SIN3A: variants seen among roughly 807,000 people sequenced by gnomAD.
SIN3A encodes paired amphipathic helix protein Sin3a.
Under a neutral mutation model 146.1 loss-of-function variants are expected in SIN3A, and 14 were observed. That is an observed-to-expected ratio of 0.10 (90% CI 0.06 to 0.15). SIN3A has a LOEUF of 0.15. Ranked by LOEUF, SIN3A falls within the 10% of genes least tolerant of loss-of-function variation. The probability of loss-of-function intolerance (pLI) is 1.00; values close to 1 mark genes in which losing one functional copy is unlikely to be tolerated. For synonymous variants in SIN3A, 572 were observed against 572.0 expected (o/e 1.00, Z 0.00); for missense variants, 1,028 against 1,576.0 (o/e 0.65, Z 5.89).
At chr15:75,443,547 C>T (rs1595930842) in intron 1 of SIN3A, 1 of 152,030 alleles carries the variant, frequency 6.6e-6, no homozygotes, top group East Asian at 1.9e-4. Flanking sequence ...GAAACGTTCT[C>T]TCTACAAAAA....
At chr15:75,388,229 A>C (rs1344190468) in intron 16 of SIN3A, 1 of 152,244 alleles carries the variant, frequency 6.6e-6, no homozygotes, top group East Asian at 1.9e-4. Flanking sequence ...GAGCTATTCT[A>C]TGGAAGAGGG....
rs554127703 is a variant in SIN3A at position 75,398,206 on chromosome 15, T to C, written c.1855-1710A>G. ...GATACACTAAATAGGATACGTATCA[T>C]TTTACATCTTTAGACAAACCAGACT... On this transcript the variant is annotated intron_variant, in intron 12 of 20. Coordinates refer to ENST00000394947, the MANE Select transcript of SIN3A (RefSeq NM_001145358.2). 1.2e-4 allele frequency among the ~76,000 whole-genome samples: 18 copies of C among 152,302 alleles called. 1 individual carries two copies. In the South Asian group the frequency reaches 3.5e-3, roughly 30 times the overall value.
chr15:75,442,727 C>A (rs940692095), intron 1 of SIN3A, among the ~76,000 whole-genome samples: 14 of 150,776 alleles, frequency 9.3e-5, no homozygotes, highest in African/African-American at 3.4e-4. Flanking sequence ...GTTGGGAGTT[C>A]AAGACCAGCC....
chr15:75,417,917 C>A (rs1334502437), intron 3 of SIN3A, among the ~76,000 whole-genome samples: 1 of 152,182 alleles, frequency 6.6e-6, no homozygotes, highest in Non-Finnish European at 1.5e-5. Flanking sequence ...GGCCCTTCTC[C>A]CTTCCAGTGT....
At chr15:75,398,513 A>G (rs1247678769) in intron 12 of SIN3A, among the ~76,000 whole-genome samples, 1 of 151,908 alleles carries the variant, frequency 6.6e-6, no homozygotes, top group African/African-American at 2.4e-5. Context: ...CATCTCCACT[A>G]AAAATACAAA....
In SIN3A at chr15:75,370,775, CTT is replaced by C. The variant is rs1250473827; in HGVS notation, c.*1202_*1203del. The C allele has an allele frequency of 1.3e-5, 2 of 152,158 alleles. No homozygotes were observed. Among genetic ancestry groups the C allele is most frequent in the South Asian group, 2.1e-4 (1 of 4,816 alleles). 9.4% of individuals were successfully genotyped at this position (152,158 alleles called of 1,614,324 possible). A position where few individuals can be genotyped will look rare whatever the true frequency, so the allele number is the denominator to read the frequency against. On this transcript the variant is annotated 3_prime_UTR_variant, in exon 21 of 21. Coordinates refer to ENST00000394947, the MANE Select transcript of SIN3A (RefSeq NM_001145358.2). ...AGGGAAAAAAACACGTACTAAAAGA[CTT>C]AAGTATTCTAAGATTTTGGAATATT...
At chr15:75,376,622 G>C (rs2072859918) in intron 19 of SIN3A, among the ~76,000 whole-genome samples, 1 of 151,928 alleles carries the variant, frequency 6.6e-6, no homozygotes, top group African/African-American at 2.4e-5. Context: ...CAGCACTTTG[G>C]GAGGCAGGTG....
chr15:75,385,171 C>T (rs183995608), intron 16 of SIN3A, among the ~76,000 whole-genome samples: 1 of 152,156 alleles, frequency 6.6e-6, no homozygotes, highest in South Asian at 2.1e-4. Context: ...AGGAAGGGAG[C>T]CTTGGAGAAT....
chr15:75,437,263 C>A (rs537550670), intron 1 of SIN3A, among the ~76,000 whole-genome samples: 4 of 152,074 alleles, frequency 2.6e-5, no homozygotes, highest in African/African-American at 9.7e-5. Flanking sequence ...TCCCCAACCT[C>A]CTGGGCTCAA....
chr15:75,372,171 G>A lies in SIN3A; in HGVS notation c.3630C>T (p.Phe1210=), dbSNP rs1217569490. 12 of 1,613,428 alleles carry A rather than the reference G, an allele frequency of 7.4e-6. No individual in the cohort carries two copies. The highest frequency in any genetic ancestry group is 1.1e-5 in the South Asian group (1 of 91,050). The change falls in exon 21 of 21, where the codon TTC becomes TTT. Residue 1210 remains phenylalanine, a synonymous_variant. Transcript: ENST00000394947. ...TGGTCCATTTATCTACCCAGGCCTG[G>A]AATCTCTGATGTAGACGCTTGCTTA... ...ERVSKRLHQR[F]QAWVDKWTKE... is the part of the protein sequence containing the mutation.
intron 1 of SIN3A, among the ~76,000 whole-genome samples, chr15:75,446,680 CAG>C (rs997298994): frequency 6.6e-6 from 1 of 151,916 alleles, no homozygotes; most frequent in East Asian, 1.9e-4. Flanking sequence ...TTTATAGAGA[CAG>C]GGTCTTGTTA....
intron 18 of SIN3A, chr15:75,381,020 C>A (rs956957863): frequency 2.0e-4 from 33 of 168,222 alleles, no homozygotes; most frequent in Middle Eastern, 2.5e-3. Context: ...TGTTAAAGAA[C>A]AAAATTTATA....
chr15:75,443,021 T>C (rs1389632374), intron 1 of SIN3A, among the ~76,000 whole-genome samples: 1 of 152,122 alleles, frequency 6.6e-6, no homozygotes, highest in Admixed American at 6.6e-5. Context: ...TCTTGCTATG[T>C]TGCCCAGCCT....
Position 75,372,205 on chromosome 15 carries a change from T to C in SIN3A, c.3596A>G (p.His1199Arg), listed in dbSNP as rs777375616. 1 of 1,574,720 alleles carries C rather than the reference T, an allele frequency of 6.4e-7. No homozygotes were observed. The highest frequency in any genetic ancestry group is 1.9e-5 in the Admixed American group (1 of 51,794). ...ATGTAGACGCTTGCTTACACGCTCA[T>C]GGGACTGCAAAACAGAAAAAAAAAA... ...RTALLRAHQS[H>R]ERVSKRLHQR... The change falls in exon 21 of 21, where the codon CAT (histidine) becomes CGT (arginine). Residue 1199 changes from histidine to arginine, a missense_variant. Physicochemically the swap from His to Arg is conservative, Grantham distance 29. This residue lies in a region of SIN3A where 488 missense variants were observed against 690.2 expected (regional missense o/e 0.71). Coordinates refer to ENST00000394947, the MANE Select transcript of SIN3A (RefSeq NM_001145358.2).
At chr15:75,409,550 C>A (rs530331389) in intron 8 of SIN3A, among the ~76,000 whole-genome samples, 106 of 151,300 alleles carry the variant, frequency 7.0e-4, no homozygotes, top group Middle Eastern at 3.4e-3. Context: ...CACGGTGAAA[C>A]CCCGTCTCCA....
intron 17 of SIN3A, among the ~76,000 whole-genome samples, chr15:75,383,402 T>G (rs1256091438): frequency 3.3e-5 from 5 of 151,896 alleles, no homozygotes; most frequent in Non-Finnish European, 5.9e-5. Flanking sequence ...AATTCTAAGG[T>G]GACTTTTTTT....
intron 1 of SIN3A, among the ~76,000 whole-genome samples, chr15:75,439,769 G>A (rs914357860): frequency 2.0e-5 from 3 of 151,868 alleles, no homozygotes; most frequent in South Asian, 2.1e-4. Context: ...GTCTCCTTTC[G>A]TCCCTCTCTT....
rs370930119 is a variant in SIN3A, at chr15:75,372,820, CAAAAA to C, written c.3592-616_3592-612del. ...AGATGACAGAGCCAAACCCTGTCTC[CAAAAA>C]AAAAAAAAAAAAAAACCCAAAACCC... On this transcript the variant is annotated intron_variant, in intron 20 of 20. Coordinates refer to ENST00000394947, the MANE Select transcript of SIN3A (RefSeq NM_001145358.2). Among the ~76,000 whole-genome samples, 25 of 79,528 alleles carry C rather than the reference CAAAAA, an allele frequency of 3.1e-4. No individual in the cohort carries two copies. In the Admixed American group the frequency reaches 3.6e-3, roughly 12 times the overall value. The allele number at this position is 79,528 out of a possible 152,430, so 52.2% of individuals were successfully genotyped here. A position where few individuals can be genotyped will look rare whatever the true frequency, so the allele number is the denominator to read the frequency against.
At chr15:75,454,679 G>T (rs982457014), upstream of SIN3A, among the ~76,000 whole-genome samples, 9 of 148,772 alleles carry the variant, frequency 6.0e-5, no homozygotes, top group Non-Finnish European at 1.4e-4. Context: ...GCGCGCACAC[G>T]CCCGCGCCCC....
Sources: allele counts gnomAD v4.1 joint callset (sites outside exome capture counted in the v4.1 genomes callset), GRCh38; gene constraint gnomAD v4.1.1; regional missense constraint gnomAD v4.1.1; transcripts MANE v1.5; gene names NCBI Gene and HGNC (gene_info 2026-07-23, HGNC 2026-07-21).